PPP4R3A: variants seen among roughly 807,000 people sequenced by gnomAD.
PPP4R3A encodes protein phosphatase 4 regulatory subunit 3A, also known as serine/threonine-protein phosphatase 4 regulatory subunit 3A.
PPP4R3A carries 15 observed loss-of-function variants against 91.7 expected under a neutral mutation model. The ratio of observed to expected loss-of-function variants is 0.16; its 90% CI spans 0.11 to 0.25. The LOEUF (loss-of-function observed/expected upper bound fraction) is 0.25. Among genes scored for constraint, PPP4R3A ranks in the 10% least tolerant of loss-of-function variants. The probability of loss-of-function intolerance (pLI) is 1.00; values close to 1 mark genes in which losing one functional copy is unlikely to be tolerated. For missense variants in PPP4R3A, 623 were observed against 998.4 expected, an observed-to-expected ratio of 0.62 and a Z score of 5.07; for synonymous variants, 377 against 348.7, an observed-to-expected ratio of 1.08 and a Z score of -0.91.
intron 9 of PPP4R3A, 143 bp from the exon 10 acceptor site, chr14:91,471,138 C>T (rs1888805472): frequency 1.4e-6 from 1 of 712,660 alleles, no homozygotes; most frequent in Non-Finnish European, 2.2e-6. Context: ...TTAGCATTTA[C>T]TGAACGCCTA....
Position 91,460,637 on chromosome 14 carries a change from C to CTTTTTT in PPP4R3A, c.2391+738_2391+743dup, listed in dbSNP as rs573677740. Among the ~76,000 whole-genome samples, 175 of 111,242 alleles carry CTTTTTT rather than the reference C, an allele frequency of 1.6e-3. 1 individual carries two copies. The highest frequency in any genetic ancestry group is 6.8e-3 in the Middle Eastern group (1 of 148). The allele number at this position is 111,242 out of a possible 152,430, so 73.0% of individuals were successfully genotyped here. A position where few individuals can be genotyped will look rare whatever the true frequency, so the allele number is the denominator to read the frequency against. On this transcript the variant is annotated intron_variant, in intron 14 of 14. Coordinates refer to ENST00000554943, the MANE Select transcript of PPP4R3A (RefSeq NM_001366432.2). Reference sequence around the variant, plus strand: ...TACATTTTTTCTTAAGATTTTGTTCCTTTTTTTTTTTTTTTTTTTGAGATG... The same window carrying CTTTTTT: ...TACATTTTTTCTTAAGATTTTGTTCCTTTTTTTTTTTTTTTTTTTTTTTTTGAGATG...
intron 9 of PPP4R3A, among the ~76,000 whole-genome samples, chr14:91,472,723 C>A (rs918558132): frequency 6.6e-6 from 1 of 152,078 alleles, no homozygotes; most frequent in African/African-American, 2.4e-5. Flanking sequence ...CTTGCCTTGG[C>A]CTCCCAAAGT....
At chr14:91,466,934 T>C (rs1280858073) in intron 10 of PPP4R3A, among the ~76,000 whole-genome samples, 1 of 38,568 alleles carries the variant, frequency 2.6e-5, no homozygotes, top group East Asian at 1.3e-3. Context: ...ACTTGTGTCC[T>C]ACCATAACAC....
At chr14:91,498,051 T>C (rs1409272291) in intron 1 of PPP4R3A, among the ~76,000 whole-genome samples, 1 of 152,168 alleles carries the variant, frequency 6.6e-6, no homozygotes, top group Non-Finnish European at 1.5e-5. Flanking sequence ...TTTGTAAAAG[T>C]AGGCCAGGCA....
chr14:91,463,188 C>G (rs1158588140), intron 11 of PPP4R3A, among the ~76,000 whole-genome samples: 2 of 152,014 alleles, frequency 1.3e-5, no homozygotes, highest in African/African-American at 4.8e-5. Flanking sequence ...GGCTCAGCCT[C>G]CAGAGTAGCT....
chr14:91,475,507 CAAG>C, intron 7 of PPP4R3A: 1 of 245,224 alleles, frequency 4.1e-6, no homozygotes, highest in Non-Finnish European at 7.9e-6. Context: ...TCCCCAGATA[CAAG>C]AATTGATTGA....
intron 13 of PPP4R3A, chr14:91,461,820 A>G: frequency 3.5e-6 from 3 of 867,426 alleles, no homozygotes; most frequent in African/African-American, 1.7e-5. Context: ...AATCATATTT[A>G]GTATCCCTAC....
At chr14:91,495,506 G>C (rs1267846843) in intron 1 of PPP4R3A, among the ~76,000 whole-genome samples, 1 of 152,086 alleles carries the variant, frequency 6.6e-6, no homozygotes, top group African/African-American at 2.4e-5. Flanking sequence ...AAATAGATTA[G>C]TGGTTGTTTA....
intron 1 of PPP4R3A, among the ~76,000 whole-genome samples, chr14:91,500,883 T>C (rs1467029920): frequency 1.3e-5 from 2 of 151,906 alleles, no homozygotes; most frequent in Non-Finnish European, 2.9e-5. Context: ...AATGCAAAAA[T>C]TAGCTGGACA....
At chr14:91,506,589 CCT>C (rs778540072) in intron 1 of PPP4R3A, among the ~76,000 whole-genome samples, 1 of 152,002 alleles carries the variant, frequency 6.6e-6, no homozygotes, top group Non-Finnish European at 1.5e-5. Flanking sequence ...ACAGGGTCTC[CCT>C]CTGTCACCCA....
intron 3 of PPP4R3A, among the ~76,000 whole-genome samples, chr14:91,484,208 G>C (rs1023863418): frequency 1.3e-5 from 2 of 152,128 alleles, no homozygotes; most frequent in Non-Finnish European, 2.9e-5. Context: ...AGAAGGAAAG[G>C]GACAGCTTAA....
Position 91,482,138 on chromosome 14 carries a change from T to G in PPP4R3A, c.353A>C (p.Glu118Ala). ...DITQDLVDES[E>A]EERFDDMSSP... ...TGACATATCATCAAAACGCTCCTCT[T>G]CAGATTCATCCACAAGGTCCTGAGT... Residue 118 changes from glutamate (E) to alanine (A), a missense_variant, in exon 4 of 15, where the codon GAA (glutamate) becomes GCA (alanine). This residue lies in a region of PPP4R3A where 20 missense variants were observed against 75.6 expected (regional missense o/e 0.26). Transcript: ENST00000554943. The G allele has an allele frequency of 1.2e-6, 2 of 1,614,090 alleles. No individual in the cohort carries two copies. The highest frequency in any genetic ancestry group is 1.7e-6 in the Non-Finnish European group (2 of 1,180,022).
intron 1 of PPP4R3A, among the ~76,000 whole-genome samples, chr14:91,508,072 AAAGATCTAGAGTAGGTT>A (rs1891524650): frequency 6.6e-6 from 1 of 152,232 alleles, no homozygotes; most frequent in African/African-American, 2.4e-5. Flanking sequence ...CAAATGTGTG[AAAGATCTAGAGTAGGTT>A]ATTATGTGAG....
At chr14:91,486,818 T>C (rs551727545) in intron 2 of PPP4R3A, among the ~76,000 whole-genome samples, 1 of 147,868 alleles carries the variant, frequency 6.8e-6, no homozygotes, top group Non-Finnish European at 1.5e-5. Context: ...GCAGGAGAAC[T>C]GCTTGAACCC....
Position 91,476,035 on chromosome 14 carries a change from C to T in PPP4R3A, c.1111-69G>A, listed in dbSNP as rs1889184691. 16 of 1,398,964 alleles carry T rather than the reference C, an allele frequency of 1.1e-5. No homozygotes were observed. In the South Asian group the frequency reaches 2.7e-4, roughly 24 times the overall value. 86.7% of individuals were successfully genotyped at this position (1,398,964 alleles called of 1,614,324 possible). On this transcript the variant is annotated intron_variant, in intron 6 of 14. Coordinates refer to ENST00000554943, the MANE Select transcript of PPP4R3A (RefSeq NM_001366432.2). ...CGGAACCTATAGCTATGTAAATATC[C>T]AAACCTAACAAAACATATGAAAAAA...
At chr14:91,486,730 G>A (rs988954796) in intron 2 of PPP4R3A, among the ~76,000 whole-genome samples, 12 of 151,596 alleles carry the variant, frequency 7.9e-5, no homozygotes, top group South Asian at 2.1e-4. Context: ...TGGCTAACAC[G>A]GTGAAACCCC....
At chr14:91,474,636 T>G (rs1245030078) in intron 7 of PPP4R3A, 1 of 152,112 alleles carries the variant, frequency 6.6e-6, no homozygotes, top group Non-Finnish European at 1.5e-5. Flanking sequence ...TTTTTTTTTT[T>G]TTTTGAGATG....
intron 9 of PPP4R3A, 129 bp downstream of exon 9, chr14:91,472,903 AC>A: frequency 1.3e-6 from 1 of 751,712 alleles, no homozygotes; most frequent in East Asian, 2.5e-5. Flanking sequence ...AAAGACTACT[AC>A]TTTTTAAAAG....
chr14:91,510,018 CGCCGCCGCCGCCTCCTCAG>C lies in PPP4R3A; in HGVS notation c.-390_-372del. On this transcript the variant is annotated 5_prime_UTR_variant, in exon 1 of 15. An upstream open reading frame in the 5' UTR loses its in-frame stop. Coordinates refer to ENST00000554943, the MANE Select transcript of PPP4R3A (RefSeq NM_001366432.2). ...ATGATCTCCGCGAAGCAGCTTCCCG[CGCCGCCGCCGCCTCCTCAG>C]GCCGCCGCCGCCGCCGCCATATTTT... is the stretch of plus-strand genomic sequence containing the variant. 2.2e-6 allele frequency: 2 copies of C among 893,232 alleles called. No individual in the cohort carries two copies. The highest frequency in any genetic ancestry group is 2.7e-6 in the Non-Finnish European group (2 of 742,670). 55.3% of individuals were successfully genotyped at this position (893,232 alleles called of 1,614,324 possible).
Sources: allele counts gnomAD v4.1 joint callset (sites outside exome capture counted in the v4.1 genomes callset), GRCh38; gene constraint gnomAD v4.1.1; regional missense constraint gnomAD v4.1.1; transcripts MANE v1.5; gene names NCBI Gene and HGNC (gene_info 2026-07-23, HGNC 2026-07-21).